Variants in GALNTL6 observed in about 807,000 individuals in gnomAD.
The protein encoded by GALNTL6 is polypeptide N-acetylgalactosaminyltransferase-like 6.
In GALNTL6, 46 loss-of-function variants were observed where a neutral mutation model predicts 73.7. The ratio of observed to expected loss-of-function variants is 0.62; its 90% confidence interval spans 0.49 to 0.80. The LOEUF is 0.80. Among genes scored for constraint, GALNTL6 ranks in the 30% least tolerant of loss-of-function variants. The probability of loss-of-function intolerance (pLI) is 0.00; values close to 1 mark genes in which losing one functional copy is unlikely to be tolerated. For missense variants in GALNTL6, 604 were observed against 755.0 expected, an observed-to-expected ratio of 0.80 and a Z score of 2.34; for synonymous variants, 259 against 263.7, an observed-to-expected ratio of 0.98 and a Z score of 0.17.
chr4:172,197,553 A>G (rs184171874), intron 2 of GALNTL6, among the ~76,000 whole-genome samples: 127 of 152,336 alleles, frequency 8.3e-4, no homozygotes, highest in Middle Eastern at 3.4e-3. Flanking sequence ...CTACAAAGCT[A>G]GTAACCAAAA....
At chr4:171,833,147 G>T (rs1220980332) in intron 2 of GALNTL6, among the ~76,000 whole-genome samples, 1 of 151,696 alleles carries the variant, frequency 6.6e-6, no homozygotes, top group Non-Finnish European at 1.5e-5. Context: ...ATGATATCTA[G>T]GGTATAGTAT....
At chr4:172,152,400 A>C (rs1160417031) in intron 2 of GALNTL6, among the ~76,000 whole-genome samples, 2 of 152,208 alleles carry the variant, frequency 1.3e-5, no homozygotes, top group Non-Finnish European at 2.9e-5. Flanking sequence ...TGGAGTTTGT[A>C]AATGTAGACT....
At chr4:172,187,937 ACTG>A (rs551465292) in intron 2 of GALNTL6, among the ~76,000 whole-genome samples, 1 of 151,820 alleles carries the variant, frequency 6.6e-6, no homozygotes, top group Non-Finnish European at 1.5e-5. Context: ...CTTTTCCTTC[ACTG>A]CTATTTGTTA....
intron 4 of GALNTL6, among the ~76,000 whole-genome samples, chr4:172,321,512 C>T (rs1740755174): frequency 6.6e-6 from 1 of 151,902 alleles, no homozygotes; most frequent in Admixed American, 6.6e-5. Flanking sequence ...TTCAAACTAG[C>T]CATCATCAAT....
intron 2 of GALNTL6, among the ~76,000 whole-genome samples, chr4:172,221,865 C>T (rs2110949710): frequency 6.6e-6 from 1 of 151,902 alleles, no homozygotes; most frequent in African/African-American, 2.4e-5. Flanking sequence ...TTTCTTAACC[C>T]TGCTTAATAT....
At chr4:172,176,953 A>G (rs1287746690) in intron 2 of GALNTL6, among the ~76,000 whole-genome samples, 1 of 152,056 alleles carries the variant, frequency 6.6e-6, no homozygotes. Flanking sequence ...TTGATGATAT[A>G]TTTCTATTTC....
chr4:172,040,474 A>C (rs1310525084), intron 2 of GALNTL6, among the ~76,000 whole-genome samples: 4 of 152,064 alleles, frequency 2.6e-5, no homozygotes, highest in Non-Finnish European at 5.9e-5. Flanking sequence ...ACATCATGTA[A>C]CAGAGTTACC....
At chr4:173,021,357 T>A in intron 11 of GALNTL6, 119 bp from the exon 12 acceptor site, 1 of 1,028,078 alleles carries the variant, frequency 9.7e-7, no homozygotes, top group Non-Finnish European at 1.5e-6. Context: ...GACTTAGCTC[T>A]TTTTGGCAGA....
At chr4:172,933,931 A>G (rs1748480252) in intron 9 of GALNTL6, among the ~76,000 whole-genome samples, 1 of 152,218 alleles carries the variant, frequency 6.6e-6, no homozygotes, top group African/African-American at 2.4e-5. Context: ...TGATTCCAAA[A>G]GACTTCCAAA....
chr4:171,860,620 G>A (rs1176974905), intron 2 of GALNTL6, among the ~76,000 whole-genome samples: 5 of 152,112 alleles, frequency 3.3e-5, no homozygotes, highest in African/African-American at 1.2e-4. Flanking sequence ...AATGGAAGCT[G>A]GACATTGGAA....
At chr4:171,987,649 A>C (rs1163916365) in intron 2 of GALNTL6, among the ~76,000 whole-genome samples, 2 of 152,214 alleles carry the variant, frequency 1.3e-5, no homozygotes, top group Non-Finnish European at 2.9e-5. Context: ...AACACTGAGA[A>C]GTTATTTCCT....
At chr4:172,139,951 C>T (rs570116150) in intron 2 of GALNTL6, among the ~76,000 whole-genome samples, 28 of 152,004 alleles carry the variant, frequency 1.8e-4, no homozygotes, top group African/African-American at 6.7e-4. Context: ...TATTGTACTC[C>T]ATATATATTA....
At position 172,243,365 on chromosome 4, in the gene GALNTL6, T is replaced by C. The variant is rs74920885; in HGVS notation, c.247+13601T>C. Among the ~76,000 whole-genome samples, 1,342 of 152,314 alleles carry C rather than the reference T, an allele frequency of 8.8e-3. 13 individuals are homozygous for C. The highest frequency in any genetic ancestry group is 0.03 in the African/African-American group (1,257 of 41,572). ...GTCCTTTTACTCTGCTTAAGTTTTC[T>C]TTCTAGCAATATCTTCCTATCTATA... On this transcript the variant is annotated intron_variant, in intron 3 of 12. Transcript: ENST00000506823.
At chr4:172,856,016 A>C (rs759893137) in intron 7 of GALNTL6, among the ~76,000 whole-genome samples, 2 of 152,186 alleles carry the variant, frequency 1.3e-5, no homozygotes, top group Non-Finnish European at 2.9e-5. Context: ...ACTGCTTATG[A>C]AGGACAGTTG....
At chr4:171,972,988 A>G (rs13113869) in intron 2 of GALNTL6, among the ~76,000 whole-genome samples, 66,473 of 152,046 alleles carry the variant, frequency 0.44, 17,893 homozygotes, top group Non-Finnish European at 0.59. Flanking sequence ...ATGTATTACT[A>G]TAATCTAACA....
rs1740327484 is a variant in GALNTL6 at position 172,310,804 on chromosome 4, A to G, written c.248-810A>G. 2.0e-5 allele frequency among the ~76,000 whole-genome samples: 3 copies of G among 151,994 alleles called. No homozygotes were observed. In the South Asian group the frequency reaches 6.2e-4, roughly 31 times the overall value. On this transcript the variant is annotated intron_variant, in intron 3 of 12. Transcript: ENST00000506823. Reference sequence around the variant, plus strand: ...TAAAATATAAAACGAGAAATTATAAAAGAAAAAAGTAAAATCATCTGGATG... The same window carrying G: ...TAAAATATAAAACGAGAAATTATAAGAGAAAAAAGTAAAATCATCTGGATG...
intron 7 of GALNTL6, among the ~76,000 whole-genome samples, chr4:172,823,609 TTA>T (rs1742063606): frequency 6.6e-6 from 1 of 152,162 alleles, no homozygotes; most frequent in South Asian, 2.1e-4. Context: ...CTGAGCACAA[TTA>T]TCTGTAGGGT....
chr4:172,349,060 T>C (rs1204022999), intron 5 of GALNTL6, among the ~76,000 whole-genome samples: 1 of 152,160 alleles, frequency 6.6e-6, no homozygotes, highest in Non-Finnish European at 1.5e-5. Context: ...TTCTGAAAAG[T>C]ATCTACTCTA....
chr4:172,521,977 C>A (rs1734788469), intron 5 of GALNTL6, among the ~76,000 whole-genome samples: 1 of 151,986 alleles, frequency 6.6e-6, no homozygotes, highest in Non-Finnish European at 1.5e-5. Flanking sequence ...CATTAATATC[C>A]CCCCAAAAGG....
Sources: allele counts gnomAD v4.1 joint callset (sites outside exome capture counted in the v4.1 genomes callset), GRCh38; gene constraint gnomAD v4.1.1; transcripts MANE v1.5; gene names NCBI Gene and HGNC (gene_info 2026-07-23, HGNC 2026-07-21).